SPATA17: variants seen among roughly 807,000 people sequenced by gnomAD.
SPATA17 encodes spermatogenesis-associated protein 17.
Under a neutral mutation model 62.2 loss-of-function variants are expected in SPATA17, and 53 were observed. The observed-to-expected ratio is 0.85, with a 90% CI of 0.68 to 1.07. SPATA17 has a LOEUF of 1.07. Among genes scored for constraint, SPATA17 ranks in the 50% least tolerant of loss-of-function variants. SPATA17 has a pLI of 0.00. For missense variants in SPATA17, 466 were observed against 425.5 expected, an observed-to-expected ratio of 1.10 and a Z score of -0.84; for synonymous variants, 146 against 146.8, an observed-to-expected ratio of 0.99 and a Z score of 0.04.
chr1:217,849,434 C>A (rs562792146), intron 9 of SPATA17, among the ~76,000 whole-genome samples: 1 of 152,194 alleles, frequency 6.6e-6, no homozygotes, highest in East Asian at 1.9e-4. Context: ...GCCTTGTTCT[C>A]TGTGAAGTCC....
chr1:217,708,582 G>A (rs1042278570), intron 5 of SPATA17, among the ~76,000 whole-genome samples: 1 of 152,004 alleles, frequency 6.6e-6, no homozygotes, highest in East Asian at 1.9e-4. Context: ...ACCAGAAAAA[G>A]CCCCAAACCA....
intron 9 of SPATA17, among the ~76,000 whole-genome samples, chr1:217,826,857 A>G (rs1006805618): frequency 6.6e-6 from 1 of 152,108 alleles, no homozygotes; most frequent in Non-Finnish European, 1.5e-5. Context: ...TCTGTACCTT[A>G]ATTTTCTAAT....
intron 6 of SPATA17, among the ~76,000 whole-genome samples, chr1:217,763,338 T>C (rs890025427): frequency 2.0e-5 from 3 of 151,956 alleles, no homozygotes; most frequent in Non-Finnish European, 4.4e-5. Context: ...TCTAAAGAAA[T>C]GATAATTAGT....
At chr1:217,825,729 A>G (rs1674985255) in intron 9 of SPATA17, among the ~76,000 whole-genome samples, 3 of 152,060 alleles carry the variant, frequency 2.0e-5, no homozygotes, top group Non-Finnish European at 4.4e-5. Flanking sequence ...AGTCTACAGC[A>G]GGGATATAGT....
chr1:217,789,640 T>A (rs1673951962), intron 8 of SPATA17, among the ~76,000 whole-genome samples: 1 of 152,124 alleles, frequency 6.6e-6, no homozygotes, highest in South Asian at 2.1e-4. Context: ...AGTTTTGGCC[T>A]AAAAGGGTGA....
At chr1:217,703,863 C>G (rs903344735) in intron 5 of SPATA17, among the ~76,000 whole-genome samples, 7 of 151,884 alleles carry the variant, frequency 4.6e-5, no homozygotes, top group African/African-American at 1.7e-4. Flanking sequence ...GTAATTTGTA[C>G]CTATTTTCCA....
intron 7 of SPATA17, chr1:217,781,154 C>CCTATTATTGGTTT (rs1673718275): frequency 6.6e-6 from 1 of 151,988 alleles, no homozygotes; most frequent in Non-Finnish European, 1.5e-5. Context: ...GTAACTGGTT[C>CCTATTATTGGTTT]CTATTATTGG....
intron 9 of SPATA17, among the ~76,000 whole-genome samples, chr1:217,819,021 A>G (rs1398059445): frequency 6.6e-6 from 1 of 150,534 alleles, no homozygotes; most frequent in South Asian, 2.1e-4. Flanking sequence ...AGTTTCCTGC[A>G]TGTCTTTCTG....
chr1:217,864,361 T>C (rs1451971694), intron 10 of SPATA17, among the ~76,000 whole-genome samples: 1 of 152,188 alleles, frequency 6.6e-6, no homozygotes, highest in Non-Finnish European at 1.5e-5. Context: ...GGCAGTACTA[T>C]GCAGACAGTA....
intron 1 of SPATA17, 50 bp from the exon 2 acceptor site, chr1:217,648,832 T>C: frequency 8.4e-7 from 1 of 1,186,512 alleles, no homozygotes; most frequent in Non-Finnish European, 1.2e-6. Flanking sequence ...TGACTTGCTT[T>C]AGAATTATAT....
chr1:217,661,011 C>T (rs1670556278), intron 3 of SPATA17, among the ~76,000 whole-genome samples: 1 of 152,070 alleles, frequency 6.6e-6, no homozygotes, highest in Non-Finnish European at 1.5e-5. Context: ...GCAAACTCAG[C>T]AAAATCTCTG....
intron 7 of SPATA17, among the ~76,000 whole-genome samples, chr1:217,775,566 G>T (rs1673567764): frequency 6.6e-6 from 1 of 152,092 alleles, no homozygotes; most frequent in Non-Finnish European, 1.5e-5. Flanking sequence ...AGCTGGACAT[G>T]GTGGTGCACC....
Position 217,867,014 on chromosome 1 carries a change from T to A in SPATA17, c.*3-8T>A, listed in dbSNP as rs1411951346. On this transcript the variant is annotated splice_polypyrimidine_tract_variant and splice_region_variant and intron_variant, in intron 10 of 10. Coordinates refer to ENST00000366933, the MANE Select transcript of SPATA17 (RefSeq NM_138796.4). ...ATCTCTTAATCTCTCTAGTTTTCTCTCTCTTAGGCGTCAGAAGAAGAAACT... is the reference window on the plus strand; with the variant it reads ...ATCTCTTAATCTCTCTAGTTTTCTCACTCTTAGGCGTCAGAAGAAGAAACT... The A allele has an allele frequency of 6.6e-6, 1 of 152,128 alleles. No individual in the cohort carries two copies. Among genetic ancestry groups the A allele is most frequent in the Non-Finnish European group, 1.5e-5 (1 of 68,020 alleles). The allele number at this position is 152,128 out of a possible 1,614,324, so 9.4% of individuals were successfully genotyped here.
At chr1:217,820,032 C>T (rs1340619213) in intron 9 of SPATA17, among the ~76,000 whole-genome samples, 1 of 152,090 alleles carries the variant, frequency 6.6e-6, no homozygotes, top group East Asian at 1.9e-4. Context: ...CCCTAAGGAT[C>T]AGTAAGTGCT....
At chr1:217,826,491 T>A (rs1675004864) in intron 9 of SPATA17, among the ~76,000 whole-genome samples, 1 of 152,158 alleles carries the variant, frequency 6.6e-6, no homozygotes, top group Non-Finnish European at 1.5e-5. Context: ...TCCAAGTATA[T>A]AATTATCTGA....
intron 7 of SPATA17, among the ~76,000 whole-genome samples, chr1:217,779,084 G>GATAT (rs555606921): frequency 6.7e-6 from 1 of 149,256 alleles, no homozygotes; most frequent in African/African-American, 2.5e-5. Context: ...CCATATGGAA[G>GATAT]ATATATATAT....
At chr1:217,670,093 A>G (rs1024842965) in intron 4 of SPATA17, among the ~76,000 whole-genome samples, 1 of 152,210 alleles carries the variant, frequency 6.6e-6, no homozygotes, top group African/African-American at 2.4e-5. Flanking sequence ...ATATTCATAT[A>G]GGAAAACAAT....
At chr1:217,714,350 G>A in intron 5 of SPATA17, among the ~76,000 whole-genome samples, 1 of 151,784 alleles carries the variant, frequency 6.6e-6, no homozygotes, top group South Asian at 2.1e-4. Context: ...GAATGTGCTA[G>A]TGCACTCCAG....
At chr1:217,855,612 A>G (rs2103013996) in intron 9 of SPATA17, among the ~76,000 whole-genome samples, 1 of 152,264 alleles carries the variant, frequency 6.6e-6, no homozygotes, top group South Asian at 2.1e-4. Context: ...CTGGTCAAAC[A>G]AGGAACTCGA....
Sources: gnomAD v4.1 joint callset for allele counts (sites outside exome capture counted in the v4.1 genomes callset) on GRCh38, gnomAD v4.1.1 for gene constraint, MANE v1.5 for transcripts, NCBI Gene and HGNC (gene_info 2026-07-23, HGNC 2026-07-21) for gene names.